RXRA: variants seen among roughly 807,000 people sequenced by gnomAD.
RXRA encodes the protein retinoic acid receptor RXR-alpha.
In RXRA, 5 loss-of-function variants were observed where a neutral mutation model predicts 44.5. The observed-to-expected ratio is 0.11, with a 90% CI of 0.06 to 0.24. The LOEUF is 0.24. Ranked by LOEUF, RXRA falls within the 10% of genes least tolerant of loss-of-function variation. The pLI is 1.00. For missense variants in RXRA, 412 were observed against 646.5 expected, an observed-to-expected ratio of 0.64 and a Z score of 3.93; for synonymous variants, 291 against 271.4, an observed-to-expected ratio of 1.07 and a Z score of -0.71.
chr9:134,430,005 C>T (rs1005439052), intron 7 of RXRA, among the ~76,000 whole-genome samples: 3 of 152,322 alleles, frequency 2.0e-5, no homozygotes, highest in Admixed American at 6.5e-5. Context: ...CCTGCCTCAG[C>T]CTCCCGAGTA....
intron 7 of RXRA, among the ~76,000 whole-genome samples, chr9:134,431,460 C>T (rs559591000): frequency 6.1e-4 from 93 of 152,272 alleles, no homozygotes; most frequent in Middle Eastern, 3.4e-3. Flanking sequence ...CTGAAGGGAG[C>T]GGCTGGGGCT....
intron 1 of RXRA, among the ~76,000 whole-genome samples, chr9:134,377,554 C>T (rs910573654): frequency 2.0e-4 from 30 of 152,216 alleles, no homozygotes; most frequent in African/African-American, 7.0e-4. Flanking sequence ...GCAGCCAGCA[C>T]ACCCACACCC....
intron 4 of RXRA, among the ~76,000 whole-genome samples, chr9:134,415,735 G>C (rs1299946030): frequency 6.6e-6 from 1 of 152,200 alleles, no homozygotes; most frequent in African/African-American, 2.4e-5. Flanking sequence ...GCACAAGGGA[G>C]GGAGGAACTG....
chr9:134,426,267 G>A lies in RXRA; in HGVS notation c.911-2841G>A. On this transcript the variant is annotated intron_variant, in intron 6 of 9. Transcript: ENST00000481739. The surrounding 1 kb of genome is among the most constrained non-coding windows in gnomAD (Gnocchi z 4.6). ...CCGTTTAAAGCTGTGTCCGTGCCGGGCCCCCACATCACAGGGCCAGGAGCC... is the reference window on the plus strand; with the variant it reads ...CCGTTTAAAGCTGTGTCCGTGCCGGACCCCCACATCACAGGGCCAGGAGCC... 1.1e-5 allele frequency: 11 copies of A among 985,450 alleles called. No individual in the cohort carries two copies. Among genetic ancestry groups the A allele is most frequent in the Non-Finnish European group, 1.3e-5 (11 of 829,932 alleles). 61.0% of individuals were successfully genotyped at this position (985,450 alleles called of 1,614,324 possible). A position where few individuals can be genotyped will look rare whatever the true frequency, so the allele number is the denominator to read the frequency against.
chr9:134,387,884 CTG>C, intron 1 of RXRA, among the ~76,000 whole-genome samples: 1 of 152,326 alleles, frequency 6.6e-6, no homozygotes, highest in African/African-American at 2.4e-5. Context: ...CAGCCTGACT[CTG>C]TGAGCCCAAG....
chr9:134,361,075 C>T (rs1292004243), intron 1 of RXRA, among the ~76,000 whole-genome samples: 1 of 152,248 alleles, frequency 6.6e-6, no homozygotes, highest in Non-Finnish European at 1.5e-5. Flanking sequence ...GGCATCTTAT[C>T]TGATGGGCAG....
At chr9:134,435,378 C>T (rs1237978838) in intron 9 of RXRA, among the ~76,000 whole-genome samples, 2 of 150,812 alleles carry the variant, frequency 1.3e-5, no homozygotes, top group Non-Finnish European at 3.0e-5. Context: ...GAGCCCCAGA[C>T]TTCCCCCCTC....
intron 1 of RXRA, among the ~76,000 whole-genome samples, chr9:134,388,764 T>C (rs1441340140): frequency 1.3e-5 from 2 of 152,192 alleles, no homozygotes; most frequent in Non-Finnish European, 2.9e-5. Flanking sequence ...TCCTTCGATG[T>C]CCTTCCTCTG....
chr9:134,336,796 T>C (rs1193808979), intron 1 of RXRA, among the ~76,000 whole-genome samples: 4 of 152,194 alleles, frequency 2.6e-5, no homozygotes, highest in African/African-American at 9.7e-5. Flanking sequence ...GGTTCAGAAA[T>C]GTGACGGGTG....
At chr9:134,337,267 G>A (rs1554747446) in intron 1 of RXRA, among the ~76,000 whole-genome samples, 1 of 152,188 alleles carries the variant, frequency 6.6e-6, no homozygotes, top group African/African-American at 2.4e-5. Flanking sequence ...GGCCAGCCAC[G>A]AGGGAAGTAA....
chr9:134,351,947 C>T (rs1470695205), intron 1 of RXRA, among the ~76,000 whole-genome samples: 2 of 152,162 alleles, frequency 1.3e-5, no homozygotes, highest in Admixed American at 6.5e-5. Flanking sequence ...GTGCATGTGG[C>T]ATATGTGTGT....
chr9:134,389,668 C>T (rs1236070367), intron 1 of RXRA, among the ~76,000 whole-genome samples: 1 of 152,134 alleles, frequency 6.6e-6, no homozygotes, highest in Non-Finnish European at 1.5e-5. Flanking sequence ...CTTAGCCTGG[C>T]CTGGGCAAGG....
chr9:134,428,706 G>A (rs1831478346), intron 6 of RXRA, among the ~76,000 whole-genome samples: 1 of 152,224 alleles, frequency 6.6e-6, no homozygotes, highest in South Asian at 2.1e-4. Flanking sequence ...TCCACGAAGG[G>A]CACACAGATC....
rs560963698 is a variant in RXRA at position 134,433,202 on chromosome 9, G to A, written c.1136-900G>A. Among the ~76,000 whole-genome samples, 19 of 152,268 alleles carry A rather than the reference G, an allele frequency of 1.2e-4. No homozygotes were observed. The highest frequency in any genetic ancestry group is 4.1e-4 in the African/African-American group (17 of 41,556). ...ATCACCCAGGCTGTGCATCCGGGCC[G>A]TAATCCTGCCAGCTCGGAGGCTGAG... On this transcript the variant is annotated intron_variant, in intron 8 of 9. Transcript: ENST00000481739. The surrounding 1 kb of genome is among the most constrained non-coding windows in gnomAD (Gnocchi z 4.2).
chr9:134,364,438 T>C (rs1830389745), intron 1 of RXRA, among the ~76,000 whole-genome samples: 1 of 152,180 alleles, frequency 6.6e-6, no homozygotes. Flanking sequence ...TTGGGAACAA[T>C]GTCAACAGCA....
chr9:134,423,839 T>G, intron 6 of RXRA: 2 of 985,456 alleles, frequency 2.0e-6, no homozygotes, highest in Non-Finnish European at 2.4e-6. Context: ...CTTGGAGAGA[T>G]AGCCAAGGCT....
At position 134,432,007 on chromosome 9, in the gene RXRA, C is replaced by T. The variant is rs199976475; in HGVS notation, c.1135+11C>T. On this transcript the variant is annotated intron_variant, in intron 8 of 9. Coordinates refer to ENST00000481739, the MANE Select transcript of RXRA (RefSeq NM_002957.6). ...TCCTCTTTAACCCTGGTATGGCCTT[C>T]CTGCCTTGAGGCTTCTGGCCCCGTT... 1.7e-4 allele frequency: 271 copies of T among 1,609,204 alleles called. 2 individuals are homozygous for T. The African/African-American group carries it at 3.1e-3, about 19-fold the overall frequency.
rs1830408180 is a variant in RXRA, at chr9:134,365,833, C to A, written c.29-35799C>A. Among the ~76,000 whole-genome samples, 1 of 151,904 alleles carries A rather than the reference C, an allele frequency of 6.6e-6. No individual in the cohort carries two copies. The highest frequency in any genetic ancestry group is 2.4e-5 in the African/African-American group (1 of 41,318). ...CTCCCATTACCCTCTGGTGGCTTGC[C>A]CATGCCACCATTCCTACTGCTAGGC... is the stretch of plus-strand genomic sequence containing the variant. On this transcript the variant is annotated intron_variant, in intron 1 of 9. Transcript: ENST00000481739. The surrounding 1 kb of genome is among the most constrained non-coding windows in gnomAD (Gnocchi z 4.0).
chr9:134,357,484 T>A (rs959256936), intron 1 of RXRA, among the ~76,000 whole-genome samples: 2 of 151,354 alleles, frequency 1.3e-5, no homozygotes, highest in African/African-American at 4.9e-5. Flanking sequence ...GGATGTGGAG[T>A]TGGTGAGGTC....
Sources: gnomAD v4.1 joint callset for allele counts (sites outside exome capture counted in the v4.1 genomes callset) on GRCh38, gnomAD v4.1.1 for gene constraint, Gnocchi (gnomAD v3.1) non-coding constraint, MANE v1.5 for transcripts, NCBI Gene and HGNC (gene_info 2026-07-23, HGNC 2026-07-21) for gene names.